Variants in TRPM2 observed in about 807,000 individuals in gnomAD.
The protein encoded by TRPM2 is estrogen-responsive element-associated gene 1 protein.
TRPM2 carries 161 observed loss-of-function variants against 174.0 expected under a neutral mutation model. The observed-to-expected ratio is 0.93, with a 90% CI of 0.81 to 1.05. TRPM2 has a LOEUF of 1.05. Among genes scored for constraint, TRPM2 ranks in the 50% least tolerant of loss-of-function variants. TRPM2 has a pLI of 0.00. For missense variants in TRPM2, 2,057 were observed against 2,038.0 expected (o/e 1.01, Z -0.18); for synonymous variants, 954 against 861.3 (o/e 1.11, Z -1.88).
intron 28 of TRPM2, among the ~76,000 whole-genome samples, chr21:44,435,916 C>CTGT (rs2051241974): frequency 8.0e-6 from 1 of 124,672 alleles, no homozygotes. Flanking sequence ...TCACTCCTCC[C>CTGT]CACCCATCCA....
intron 22 of TRPM2, among the ~76,000 whole-genome samples, chr21:44,419,422 C>T (rs1055447011): frequency 4.6e-5 from 7 of 151,960 alleles, no homozygotes; most frequent in African/African-American, 1.7e-4. Context: ...ACAGTGGGGT[C>T]CTGACTGTAA....
intron 2 of TRPM2, among the ~76,000 whole-genome samples, chr21:44,355,491 C>T (rs540632916): frequency 1.8e-4 from 27 of 152,346 alleles, no homozygotes; most frequent in African/African-American, 6.3e-4. Context: ...GCAGATGCTG[C>T]CTCTGCCGTG....
chr21:44,441,406 C>G (rs780705331), intron 31 of TRPM2, among the ~76,000 whole-genome samples: 2 of 152,208 alleles, frequency 1.3e-5, no homozygotes, highest in Non-Finnish European at 2.9e-5. Context: ...CCTGCATGCT[C>G]CTAATTCAGA....
At position 44,401,781 on chromosome 21, in the gene TRPM2, G is replaced by A. The variant is rs749888700; in HGVS notation, c.2422G>A (p.Ala808Thr). 18 of 1,613,614 alleles carry A rather than the reference G, an allele frequency of 1.1e-5. No individual in the cohort carries two copies. Among genetic ancestry groups the A allele is most frequent in the South Asian group, 1.1e-4 (10 of 91,086 alleles). ...CCACCTGAACATCCTCTCCTACTTC[G>A]CCTTCCTCTGCCTGTTCGCCTACGT... ...VFHLNILSYF[A>T]FLCLFAYVLM... The change falls in exon 16 of 32, where the codon GCC (alanine) becomes ACC (threonine). Residue 808 changes from alanine (A) to threonine (T), a missense_variant. Coordinates refer to ENST00000397928, the MANE Select transcript of TRPM2 (RefSeq NM_003307.4).
chr21:44,427,331 G>A (rs1420590246), intron 27 of TRPM2, among the ~76,000 whole-genome samples: 2 of 152,244 alleles, frequency 1.3e-5, no homozygotes, highest in East Asian at 3.8e-4. Flanking sequence ...GGCAGGCCCT[G>A]CCCCATGGTC....
At chr21:44,398,337 A>G (rs1479466826) in intron 13 of TRPM2, among the ~76,000 whole-genome samples, 1 of 151,770 alleles carries the variant, frequency 6.6e-6, no homozygotes, top group Non-Finnish European at 1.5e-5. Flanking sequence ...AGTAGCTGGG[A>G]TTACAGCTGC....
At chr21:44,389,526 C>T (rs1001237031) in intron 9 of TRPM2, among the ~76,000 whole-genome samples, 22 of 152,114 alleles carry the variant, frequency 1.4e-4, no homozygotes, top group African/African-American at 5.1e-4. Context: ...AGTGGATGAG[C>T]GTTACCCTAC....
chr21:44,377,217 C>T (rs994488335), intron 6 of TRPM2, among the ~76,000 whole-genome samples: 5 of 152,174 alleles, frequency 3.3e-5, no homozygotes, highest in Non-Finnish European at 7.3e-5. Flanking sequence ...TTCTCAGGCT[C>T]CACTGCTGTT....
At chr21:44,401,117 G>A (rs990314767) in intron 15 of TRPM2, among the ~76,000 whole-genome samples, 1 of 152,316 alleles carries the variant, frequency 6.6e-6, no homozygotes, top group South Asian at 2.1e-4. Context: ...TCCTAAAGCA[G>A]TGCTGGCTTC....
In TRPM2 at chr21:44,418,295, G is replaced by T. The variant is rs1284932803; in HGVS notation, c.3329-128G>T. ...AGCCCAGAGGCCCCCTTGGGGGCAG[G>T]TGTGCGATGGGCTCTTCCTGCCACT... On this transcript the variant is annotated intron_variant, in intron 21 of 31. Coordinates refer to ENST00000397928, the MANE Select transcript of TRPM2 (RefSeq NM_003307.4). 7.1e-6 allele frequency: 10 copies of T among 1,412,908 alleles called. No homozygotes were observed. In the Admixed American group the frequency reaches 1.9e-4, roughly 27 times the overall value. The allele number at this position is 1,412,908 out of a possible 1,614,324, so 87.5% of individuals were successfully genotyped here. A position where few individuals can be genotyped will look rare whatever the true frequency, so the allele number is the denominator to read the frequency against.
chr21:44,431,888 G>A (rs987526645), intron 27 of TRPM2, among the ~76,000 whole-genome samples: 7 of 152,130 alleles, frequency 4.6e-5, no homozygotes, highest in African/African-American at 1.4e-4. Context: ...GTCCTCCGTG[G>A]CCCGTCTCTA....
intron 19 of TRPM2, among the ~76,000 whole-genome samples, chr21:44,413,180 C>T (rs1041287735): frequency 2.0e-5 from 3 of 151,674 alleles, no homozygotes; most frequent in South Asian, 2.1e-4. Context: ...CACATCTCCA[C>T]GTCTCCCTTC....
At chr21:44,412,157 G>A (rs2050129621) in intron 19 of TRPM2, among the ~76,000 whole-genome samples, 1 of 152,172 alleles carries the variant, frequency 6.6e-6, no homozygotes, top group South Asian at 2.1e-4. Context: ...GGAAGAGTTT[G>A]TAAAAGAGTG....
intron 16 of TRPM2, among the ~76,000 whole-genome samples, chr21:44,404,724 G>A (rs956642946): frequency 2.6e-5 from 4 of 152,084 alleles, no homozygotes; most frequent in Non-Finnish European, 4.4e-5. Context: ...CAGCGATGGT[G>A]ACAGCAAGGA....
At chr21:44,365,766 A>G (rs1443182906) in intron 3 of TRPM2, among the ~76,000 whole-genome samples, 1 of 152,158 alleles carries the variant, frequency 6.6e-6, no homozygotes, top group Non-Finnish European at 1.5e-5. Context: ...GAGGGACGCC[A>G]GGGACACAGA....
In TRPM2 at chr21:44,395,700, A is replaced by AG. The variant is rs528212987; in HGVS notation, c.1932+151dup. On this transcript the variant is annotated intron_variant, in intron 12 of 31. Coordinates refer to ENST00000397928, the MANE Select transcript of TRPM2 (RefSeq NM_003307.4). ...TGTGGAGGGGTGTGGAGGGCTGTGGAGGATGTGGAGGGGTGTGGAGGGCTG... is the reference window on the plus strand; with the variant it reads ...TGTGGAGGGGTGTGGAGGGCTGTGGAGGGATGTGGAGGGGTGTGGAGGGCTG... The AG allele has an allele frequency of 3.8e-4, 140 of 368,442 alleles. 49 individuals carry two copies. The highest frequency in any genetic ancestry group is 1.0e-3 in the Middle Eastern group (2 of 1,938). The allele number at this position is 368,442 out of a possible 1,614,324, so 22.8% of individuals were successfully genotyped here.
intron 19 of TRPM2, among the ~76,000 whole-genome samples, chr21:44,407,944 C>T (rs918946468): frequency 6.7e-6 from 1 of 149,140 alleles, no homozygotes; most frequent in Admixed American, 6.7e-5. Flanking sequence ...TTTTTTTTCC[C>T]CTAGAGGGAG....
chr21:44,423,445 A>T lies in TRPM2; in HGVS notation c.3462-200A>T, dbSNP rs943917885. On this transcript the variant is annotated intron_variant, in intron 22 of 31. Coordinates refer to ENST00000397928, the MANE Select transcript of TRPM2 (RefSeq NM_003307.4). ...GTGAGCCTCGGCTGTCCGTCTGCTG[A>T]GACATCTTCCCCTCTGGGGCCCTGG... is the stretch of plus-strand genomic sequence containing the variant. 1.2e-5 allele frequency: 7 copies of T among 567,004 alleles called. No homozygotes were observed. In the African/African-American group the frequency reaches 1.3e-4, roughly 11 times the overall value. 35.1% of individuals were successfully genotyped at this position (567,004 alleles called of 1,614,324 possible). A position where few individuals can be genotyped will look rare whatever the true frequency, so the allele number is the denominator to read the frequency against.
intron 31 of TRPM2, among the ~76,000 whole-genome samples, chr21:44,441,336 C>T (rs926166764): frequency 1.3e-5 from 2 of 152,192 alleles, no homozygotes; most frequent in African/African-American, 2.4e-5. Context: ...GCCCCCTCAG[C>T]CCCCGGCTGC....
Sources: allele counts gnomAD v4.1 joint callset (sites outside exome capture counted in the v4.1 genomes callset), GRCh38; gene constraint gnomAD v4.1.1; transcripts MANE v1.5; gene names NCBI Gene and HGNC (gene_info 2026-07-23, HGNC 2026-07-21).